The following PXDNL variants were observed in gnomAD, a reference collection of about 807,000 sequenced individuals.
PXDNL encodes peroxidasin like.
A neutral mutation model predicts 150.8 loss-of-function variants in PXDNL; 145 were observed. The observed-to-expected ratio is 0.96, with a 90% CI of 0.84 to 1.10. The LOEUF is 1.10. Among genes scored for constraint, PXDNL ranks in the 50% least tolerant of loss-of-function variants. The pLI, the probability that PXDNL is intolerant of heterozygous loss-of-function variation, is 0.00. For synonymous variants in PXDNL, 757 were observed against 725.7 expected, an observed-to-expected ratio of 1.04 and a Z score of -0.69; for missense variants, 2,087 against 1,873.9, an observed-to-expected ratio of 1.11 and a Z score of -2.10.
chr8:51,565,949 T>C (rs1340880295), intron 3 of PXDNL, among the ~76,000 whole-genome samples: 3 of 151,992 alleles, frequency 2.0e-5, no homozygotes, highest in African/African-American at 7.2e-5. Context: ...GGGGTTTTTT[T>C]TGGATCTTCT....
At chr8:51,622,675 G>A (rs111972571) in intron 2 of PXDNL, among the ~76,000 whole-genome samples, 9 of 152,326 alleles carry the variant, frequency 5.9e-5, no homozygotes, top group Middle Eastern at 3.4e-3. Flanking sequence ...AAGGACGTAA[G>A]GGAAGCTGGT....
At chr8:51,565,003 G>A (rs993381908) in intron 3 of PXDNL, among the ~76,000 whole-genome samples, 2 of 151,826 alleles carry the variant, frequency 1.3e-5, no homozygotes, top group Non-Finnish European at 2.9e-5. Flanking sequence ...CTTCCAGTAC[G>A]ATGGTGAATA....
At chr8:51,555,745 A>G (rs1812585937) in intron 4 of PXDNL, among the ~76,000 whole-genome samples, 13 of 152,332 alleles carry the variant, frequency 8.5e-5, no homozygotes, top group Admixed American at 8.5e-4. Context: ...ATCAATGGGA[A>G]AAATCTTTTT....
At chr8:51,538,366 A>T (rs994966008) in intron 4 of PXDNL, among the ~76,000 whole-genome samples, 1 of 152,188 alleles carries the variant, frequency 6.6e-6, no homozygotes, top group Non-Finnish European at 1.5e-5. Flanking sequence ...CATAGATTCA[A>T]TATAGTTTCA....
At chr8:51,391,643 C>T (rs1365992615) in intron 17 of PXDNL, among the ~76,000 whole-genome samples, 1 of 152,134 alleles carries the variant, frequency 6.6e-6, no homozygotes, top group Non-Finnish European at 1.5e-5. Context: ...TATTGGCCCT[C>T]TGTCAGATGA....
intron 15 of PXDNL, among the ~76,000 whole-genome samples, chr8:51,412,771 T>C (rs1253035880): frequency 6.6e-6 from 1 of 152,182 alleles, no homozygotes; most frequent in Non-Finnish European, 1.5e-5. Context: ...CTAAACATAA[T>C]GTTTGTCGTA....
chr8:51,743,425 CTGCAGTAG>C (rs1225405695), intron 1 of PXDNL, among the ~76,000 whole-genome samples: 5 of 151,970 alleles, frequency 3.3e-5, no homozygotes, highest in Non-Finnish European at 7.4e-5. Context: ...GTCCCCCAGG[CTGCAGTAG>C]TGCAGTGATG....
intron 3 of PXDNL, among the ~76,000 whole-genome samples, chr8:51,578,829 G>T (rs1012687615): frequency 2.0e-5 from 3 of 151,910 alleles, no homozygotes; most frequent in African/African-American, 7.2e-5. Context: ...ACTTATTTTT[G>T]ACAAAGGTGC....
chr8:51,339,084 G>C (rs1805914399), intron 21 of PXDNL, among the ~76,000 whole-genome samples: 1 of 152,212 alleles, frequency 6.6e-6, no homozygotes, highest in South Asian at 2.1e-4. Flanking sequence ...AGAGCCCTGA[G>C]CGTTAGGTAG....
chr8:51,326,687 C>T (rs74708192), intron 21 of PXDNL, among the ~76,000 whole-genome samples: 1 of 152,014 alleles, frequency 6.6e-6, no homozygotes, highest in Non-Finnish European at 1.5e-5. Context: ...CTGCATTCCC[C>T]AAAAAGCAGC....
At position 51,809,396 on chromosome 8, in the gene PXDNL, G is replaced by A. The variant is rs2037711924; in HGVS notation, c.-52C>T. ...AGAAGCAGCCGGAGGGAGAGCAGCA[G>A]CTGCAGCTGCAGCAGCAACCGCAGT... On this transcript the variant is annotated 5_prime_UTR_variant, in exon 1 of 23. Transcript: ENST00000356297. 2.3e-5 allele frequency: 34 copies of A among 1,468,452 alleles called. No individual in the cohort carries two copies. The highest frequency in any genetic ancestry group is 3.1e-5 in the Non-Finnish European group (34 of 1,106,398). 91.0% of individuals were successfully genotyped at this position (1,468,452 alleles called of 1,614,324 possible).
chr8:51,746,558 A>G (rs992458334), intron 1 of PXDNL, among the ~76,000 whole-genome samples: 1 of 151,958 alleles, frequency 6.6e-6, no homozygotes, highest in African/African-American at 2.4e-5. Flanking sequence ...CTTGATTACC[A>G]TTTCTGGGGC....
At chr8:51,441,979 AAGGAG>A (rs1319975393) in intron 12 of PXDNL, among the ~76,000 whole-genome samples, 1 of 152,066 alleles carries the variant, frequency 6.6e-6, no homozygotes, top group Non-Finnish European at 1.5e-5. Context: ...AAAGCAACAG[AAGGAG>A]AGGTCGCCAC....
intron 4 of PXDNL, among the ~76,000 whole-genome samples, chr8:51,515,803 G>T (rs1204244134): frequency 1.3e-5 from 2 of 152,134 alleles, no homozygotes; most frequent in East Asian, 3.8e-4. Flanking sequence ...GACATACAAA[G>T]CACAAAGCAC....
At position 51,494,398 on chromosome 8, in the gene PXDNL, CATA is replaced by C. The variant is rs1810987577; in HGVS notation, c.452+5298_452+5300del. ...TAATGAGAAAATAACCAGCTAACATCATAATGACAGGATCAGATTCACACATAA... is the reference window on the plus strand; with the variant it reads ...TAATGAGAAAATAACCAGCTAACATCATGACAGGATCAGATTCACACATAA... On this transcript the variant is annotated intron_variant, in intron 5 of 22. Coordinates refer to ENST00000356297, the MANE Select transcript of PXDNL (RefSeq NM_144651.5). Among the ~76,000 whole-genome samples the C allele has an allele frequency of 2.0e-5, 3 of 151,942 alleles. No individual in the cohort carries two copies. The South Asian group carries it at 6.3e-4, about 32-fold the overall frequency.
chr8:51,487,590 A>G (rs1434388696), intron 5 of PXDNL, among the ~76,000 whole-genome samples: 1 of 152,212 alleles, frequency 6.6e-6, no homozygotes, highest in Non-Finnish European at 1.5e-5. Flanking sequence ...CGGAGCACCA[A>G]GCTCTAAAGT....
intron 17 of PXDNL, among the ~76,000 whole-genome samples, chr8:51,398,858 A>G (rs1032418875): frequency 3.9e-5 from 6 of 152,258 alleles, no homozygotes; most frequent in African/African-American, 1.4e-4. Context: ...TAAAGCCACT[A>G]TTATACATGT....
At chr8:51,449,717 A>T (rs1809760261) in intron 10 of PXDNL, among the ~76,000 whole-genome samples, 1 of 152,136 alleles carries the variant, frequency 6.6e-6, no homozygotes, top group Non-Finnish European at 1.5e-5. Context: ...TCTGTCCGTG[A>T]CTCTTTGATT....
chr8:51,629,100 T>C (rs1814431890), intron 2 of PXDNL, among the ~76,000 whole-genome samples: 1 of 151,826 alleles, frequency 6.6e-6, no homozygotes, highest in Non-Finnish European at 1.5e-5. Flanking sequence ...GTCTTAAATA[T>C]GCTTTAAAAA....
Sources: allele counts gnomAD v4.1 joint callset (sites outside exome capture counted in the v4.1 genomes callset), GRCh38; gene constraint gnomAD v4.1.1; transcripts MANE v1.5; gene names NCBI Gene and HGNC (gene_info 2026-07-23, HGNC 2026-07-21).